KCNIP4: variants seen among roughly 807,000 people sequenced by gnomAD.
The protein encoded by KCNIP4 is potassium voltage-gated channel interacting protein 4.
A neutral mutation model predicts 34.0 loss-of-function variants in KCNIP4; 12 were observed. The ratio of observed to expected loss-of-function variants is 0.35; its 90% CI spans 0.23 to 0.57. The LOEUF is 0.57. Ranked by LOEUF, KCNIP4 falls within the 20% of genes least tolerant of loss-of-function variation. The pLI is 0.83. For synonymous variants in KCNIP4, 124 were observed against 102.2 expected (o/e 1.21, Z -1.29); for missense variants, 238 against 311.7 (o/e 0.76, Z 1.78).
At chr4:21,892,669 C>CTATAAAATAG (rs1456310339) in intron 1 of KCNIP4, among the ~76,000 whole-genome samples, 1 of 151,506 alleles carries the variant, frequency 6.6e-6, no homozygotes, top group African/African-American at 2.4e-5. Flanking sequence ...ATTAAGTTGT[C>CTATAAAATAG]TATAAAATAG....
At chr4:20,774,466 C>A (rs1255002268) in intron 3 of KCNIP4, among the ~76,000 whole-genome samples, 1 of 152,070 alleles carries the variant, frequency 6.6e-6, no homozygotes, top group Non-Finnish European at 1.5e-5. Context: ...TTAATTAATG[C>A]AGGACATGTT....
chr4:21,553,614 CAGG>C (rs1560511618), intron 1 of KCNIP4, among the ~76,000 whole-genome samples: 3 of 151,948 alleles, frequency 2.0e-5, no homozygotes, highest in Non-Finnish European at 4.4e-5. Context: ...CATGTGATCA[CAGG>C]AGATGTCACC....
At position 21,320,964 on chromosome 4, in the gene KCNIP4, T is replaced by TAA. The variant is rs528123961; in HGVS notation, c.62-438257_62-438256dup. ...TGGGCAATAGAGCAAGAATCTGTCTTAAAAAAAAAAAAAAAAAAGAGGAAA... is the reference window on the plus strand; with the variant it reads ...TGGGCAATAGAGCAAGAATCTGTCTTAAAAAAAAAAAAAAAAAAAAGAGGAAA... On this transcript the variant is annotated intron_variant, in intron 1 of 8. Coordinates refer to ENST00000382152, the MANE Select transcript of KCNIP4 (RefSeq NM_025221.6). 1.7e-3 allele frequency among the ~76,000 whole-genome samples: 174 copies of TAA among 102,892 alleles called. 7 individuals are homozygous for TAA. In the East Asian group the frequency reaches 0.022, roughly 13 times the overall value. 67.5% of individuals were successfully genotyped at this position (102,892 alleles called of 152,430 possible).
chr4:21,017,477 T>A (rs1739649493), intron 1 of KCNIP4, among the ~76,000 whole-genome samples: 1 of 152,228 alleles, frequency 6.6e-6, no homozygotes, highest in Admixed American at 6.5e-5. Flanking sequence ...TTGCTGCGGA[T>A]AATGGCTTCC....
At chr4:20,956,369 G>A (rs1054457397) in intron 1 of KCNIP4, among the ~76,000 whole-genome samples, 2 of 152,102 alleles carry the variant, frequency 1.3e-5, no homozygotes, top group African/African-American at 4.8e-5. Context: ...GCCGGGCGTG[G>A]TGGCGGGTGC....
intron 1 of KCNIP4, among the ~76,000 whole-genome samples, chr4:21,084,654 C>T (rs1200043591): frequency 6.7e-6 from 1 of 150,068 alleles, no homozygotes; most frequent in Non-Finnish European, 1.5e-5. Flanking sequence ...TTTAACAGCA[C>T]CTTATTCATG....
chr4:20,872,515 A>G (rs1454653684), intron 2 of KCNIP4, among the ~76,000 whole-genome samples: 2 of 152,182 alleles, frequency 1.3e-5, no homozygotes, highest in Non-Finnish European at 2.9e-5. Context: ...CTGGTGGAGT[A>G]GAAAATTGAG....
intron 1 of KCNIP4, among the ~76,000 whole-genome samples, chr4:21,342,335 G>C (rs1293717797): frequency 6.6e-6 from 1 of 152,088 alleles, no homozygotes; most frequent in East Asian, 1.9e-4. Context: ...TGAACGTCTT[G>C]CATACATATA....
intron 1 of KCNIP4, among the ~76,000 whole-genome samples, chr4:21,910,786 T>C (rs948465482): frequency 1.3e-5 from 2 of 152,308 alleles, no homozygotes; most frequent in Admixed American, 1.3e-4. Context: ...TCTCAGAAGA[T>C]TAAAAAAGTC....
intron 1 of KCNIP4, among the ~76,000 whole-genome samples, chr4:21,618,692 G>C (rs1744784706): frequency 7.0e-6 from 1 of 143,010 alleles, no homozygotes; most frequent in Admixed American, 7.3e-5. Context: ...GAGTGCAGTG[G>C]CGTGATCTTG....
intron 1 of KCNIP4, among the ~76,000 whole-genome samples, chr4:21,640,451 G>C (rs754220550): frequency 6.6e-6 from 1 of 152,154 alleles, no homozygotes; most frequent in Non-Finnish European, 1.5e-5. Flanking sequence ...CAGTGTAAGT[G>C]AGCAGATCTT....
At chr4:21,355,040 G>T (rs1718427557) in intron 1 of KCNIP4, among the ~76,000 whole-genome samples, 1 of 152,160 alleles carries the variant, frequency 6.6e-6, no homozygotes, top group African/African-American at 2.4e-5. Context: ...ACCTGCTCCT[G>T]AATGACGACT....
At chr4:20,969,547 C>T (rs1213304674) in intron 1 of KCNIP4, among the ~76,000 whole-genome samples, 3 of 133,258 alleles carry the variant, frequency 2.3e-5, no homozygotes, top group East Asian at 4.2e-4. Context: ...AAATTTGCTG[C>T]GTGTGTGTTT....
intron 1 of KCNIP4, among the ~76,000 whole-genome samples, chr4:20,935,283 G>A (rs553130676): frequency 2.0e-4 from 31 of 152,246 alleles, no homozygotes; most frequent in African/African-American, 6.5e-4. Context: ...AGTCAGTGGG[G>A]TATCTCTAAC....
At chr4:21,694,924 A>T (rs1405823557) in intron 1 of KCNIP4, among the ~76,000 whole-genome samples, 10 of 94,800 alleles carry the variant, frequency 1.1e-4, no homozygotes, top group African/African-American at 2.0e-4. Context: ...CAAAAAAAAA[A>T]AAAAAATAAA....
intron 5 of KCNIP4, among the ~76,000 whole-genome samples, chr4:20,736,479 A>C (rs559341395): frequency 1.3e-5 from 2 of 152,208 alleles, no homozygotes; most frequent in South Asian, 4.1e-4. Flanking sequence ...ATACCCTGTC[A>C]ATTTGCTGAC....
At chr4:20,741,292 T>C (rs375607515) in intron 5 of KCNIP4, among the ~76,000 whole-genome samples, 2 of 151,984 alleles carry the variant, frequency 1.3e-5, no homozygotes, top group African/African-American at 4.8e-5. Flanking sequence ...TACGTCACAC[T>C]TATTCCAAAA....
intron 1 of KCNIP4, among the ~76,000 whole-genome samples, chr4:21,527,316 T>G (rs1736050519): frequency 2.0e-5 from 3 of 152,224 alleles, no homozygotes; most frequent in African/African-American, 7.2e-5. Context: ...TGGCTAATAT[T>G]TTTTTTAAAA....
At chr4:21,243,010 AC>A (rs1759966685) in intron 1 of KCNIP4, among the ~76,000 whole-genome samples, 1 of 152,094 alleles carries the variant, frequency 6.6e-6, no homozygotes, top group African/African-American at 2.4e-5. Context: ...TATATAATAT[AC>A]CAAGCAGAAT....
Sources: gnomAD v4.1 joint callset for allele counts (sites outside exome capture counted in the v4.1 genomes callset) on GRCh38, gnomAD v4.1.1 for gene constraint, MANE v1.5 for transcripts, NCBI Gene and HGNC (gene_info 2026-07-23, HGNC 2026-07-21) for gene names.